The following PTPRE variants were observed in gnomAD, a reference collection of about 807,000 sequenced individuals.
The protein encoded by PTPRE is receptor-type tyrosine-protein phosphatase epsilon.
Under a neutral mutation model 102.0 loss-of-function variants are expected in PTPRE, and 51 were observed. The observed-to-expected ratio is 0.50, with a 90% CI of 0.40 to 0.63. The LOEUF is 0.63. Ranked by LOEUF, PTPRE falls within the 30% of genes least tolerant of loss-of-function variation. The pLI is 0.00. For synonymous variants in PTPRE, 345 were observed against 348.2 expected (o/e 0.99, Z 0.10); for missense variants, 752 against 915.1 (o/e 0.82, Z 2.30).
At chr10:127,941,005 C>T (rs185587632) in intron 1 of PTPRE, among the ~76,000 whole-genome samples, 42 of 152,300 alleles carry the variant, frequency 2.8e-4, no homozygotes, top group African/African-American at 9.4e-4. Context: ...CAGAGCAGAA[C>T]GGCAAGCAGG....
chr10:127,975,389 T>C (rs1463897964), intron 1 of PTPRE, among the ~76,000 whole-genome samples: 1 of 152,216 alleles, frequency 6.6e-6, no homozygotes, highest in African/African-American at 2.4e-5. Flanking sequence ...TAATAATTAT[T>C]ATTATTTCAT....
chr10:128,033,673 G>C (rs11016027), intron 2 of PTPRE, among the ~76,000 whole-genome samples: 86,293 of 151,814 alleles, frequency 0.57, 24,609 homozygotes, highest in East Asian at 0.62. Context: ...AAGATGGAGT[G>C]TCGCTCTGTC....
chr10:128,055,742 C>A (rs142047910), intron 6 of PTPRE, among the ~76,000 whole-genome samples: 6 of 152,210 alleles, frequency 3.9e-5, no homozygotes. Context: ...CCCCATCTCC[C>A]GGTTCACAGT....
Position 127,907,287 on chromosome 10 carries a change from G to A in PTPRE, c.-53G>A. 1.0e-6 allele frequency: 1 copy of A among 984,744 alleles called. No homozygotes were observed. Among genetic ancestry groups the A allele is most frequent in the Non-Finnish European group, 1.2e-6 (1 of 829,738 alleles). 61.0% of individuals were successfully genotyped at this position (984,744 alleles called of 1,614,324 possible). Reference sequence around the variant, plus strand: ...GAGCCTCCGCTGCAGCGCGATCTGCGCGACCAGACCGGCCCCCCCGAGGTG... The same window carrying A: ...GAGCCTCCGCTGCAGCGCGATCTGCACGACCAGACCGGCCCCCCCGAGGTG... On this transcript the variant is annotated 5_prime_UTR_variant, in exon 1 of 21. Coordinates refer to ENST00000254667, the MANE Select transcript of PTPRE (RefSeq NM_006504.6). This position sits in a 1 kb window ranked among gnomAD's most constrained non-coding sequence, Gnocchi z 4.8.
rs575294130 is a variant in PTPRE at position 128,042,268 on chromosome 10, G to A, written c.109+1278G>A. Among the ~76,000 whole-genome samples, 13 of 152,296 alleles carry A rather than the reference G, an allele frequency of 8.5e-5. No individual in the cohort carries two copies. The South Asian group carries it at 1.2e-3, about 15-fold the overall frequency. On this transcript the variant is annotated intron_variant, in intron 3 of 20. Coordinates refer to ENST00000254667, the MANE Select transcript of PTPRE (RefSeq NM_006504.6). ...CCACAATGGCAGAACATCCGTTTGC[G>A]CAACAGTGGGGAAGAATCTGCCCGA...
chr10:128,064,751 C>T (rs1007802692), intron 10 of PTPRE, among the ~76,000 whole-genome samples: 7 of 152,240 alleles, frequency 4.6e-5, no homozygotes, highest in African/African-American at 1.7e-4. Flanking sequence ...GCCGCGTCCT[C>T]ATTCTCACCA....
At chr10:128,033,686 C>T (rs1237999961) in intron 2 of PTPRE, among the ~76,000 whole-genome samples, 2 of 152,146 alleles carry the variant, frequency 1.3e-5, no homozygotes, top group East Asian at 3.9e-4. Context: ...GCTCTGTCAC[C>T]CAGGCTAGAG....
intron 1 of PTPRE, among the ~76,000 whole-genome samples, chr10:127,939,913 TAGGCAGGTGG>T (rs1250859797): frequency 7.1e-6 from 1 of 141,648 alleles, no homozygotes; most frequent in African/African-American, 2.7e-5. Flanking sequence ...CAGGCAGATG[TAGGCAGGTGG>T]AGGCAGGAGG....
chr10:127,979,070 C>T (rs997289073), intron 1 of PTPRE, among the ~76,000 whole-genome samples: 3 of 152,108 alleles, frequency 2.0e-5, no homozygotes, highest in African/African-American at 7.2e-5. Context: ...GTGGGTCTTG[C>T]CTTACCTACT....
At chr10:127,986,541 G>A (rs1269118270) in intron 2 of PTPRE, among the ~76,000 whole-genome samples, 1 of 152,200 alleles carries the variant, frequency 6.6e-6, no homozygotes, top group Non-Finnish European at 1.5e-5. Context: ...TGAATATTCA[G>A]CAACTGTGAG....
At chr10:128,018,834 C>T (rs375478827) in intron 2 of PTPRE, among the ~76,000 whole-genome samples, 4 of 152,108 alleles carry the variant, frequency 2.6e-5, no homozygotes, top group African/African-American at 9.7e-5. Context: ...CTCCAGTCCC[C>T]ATCTCTCACA....
intron 1 of PTPRE, among the ~76,000 whole-genome samples, chr10:127,969,684 G>C (rs143262898): frequency 0.17 from 25,415 of 146,020 alleles, 2,519 homozygotes; most frequent in East Asian, 0.36. Context: ...AAAAAAAAAG[G>C]GGGGCGGGGG....
At chr10:127,956,228 T>C (rs889164655) in intron 1 of PTPRE, among the ~76,000 whole-genome samples, 2 of 152,116 alleles carry the variant, frequency 1.3e-5, no homozygotes, top group African/African-American at 4.8e-5. Context: ...TTAAAGAATA[T>C]CTAAAAACCT....
At chr10:127,973,650 G>A (rs192468246) in intron 1 of PTPRE, among the ~76,000 whole-genome samples, 21 of 147,398 alleles carry the variant, frequency 1.4e-4, no homozygotes, top group Admixed American at 1.2e-3. Context: ...CCATATTCCT[G>A]AAAAAAAAAA....
chr10:128,045,297 G>A (rs1848000306), intron 3 of PTPRE, among the ~76,000 whole-genome samples: 1 of 152,244 alleles, frequency 6.6e-6, no homozygotes, highest in Admixed American at 6.5e-5. Flanking sequence ...TTCACTACAG[G>A]CAGGAACGTG....
At chr10:128,017,536 C>T (rs1254572154) in intron 2 of PTPRE, among the ~76,000 whole-genome samples, 1 of 152,038 alleles carries the variant, frequency 6.6e-6, no homozygotes, top group Non-Finnish European at 1.5e-5. Flanking sequence ...CCCACACAGG[C>T]ACAGCCTTCC....
intron 20 of PTPRE, 121 bp from the exon 21 acceptor site, chr10:128,082,710 AG>A: frequency 2.6e-6 from 3 of 1,139,594 alleles, no homozygotes; most frequent in Non-Finnish European, 3.6e-6. Context: ...ATGTGCATAA[AG>A]GTATATGGTA....
Position 128,077,686 on chromosome 10 carries a change from G to A in PTPRE, c.1795G>A (p.Gly599Arg), listed in dbSNP as rs772642733. The A allele has an allele frequency of 9.9e-6, 16 of 1,613,788 alleles. No individual in the cohort carries two copies. Among genetic ancestry groups the A allele is most frequent in the African/African-American group, 4.0e-5 (3 of 74,934 alleles). ...TCACTTCCACGGCTGGCCTGAGATC[G>A]GGATTCCCGCCGAGGGCAAAGGCAT... ...QFHFHGWPEI[G>R]IPAEGKGMID... Residue 599 changes from glycine to arginine, a missense_variant, in exon 19 of 21, where the codon GGG becomes AGG. By Grantham distance (125) the Gly-to-Arg change is moderately radical. Transcript: ENST00000254667.
intron 1 of PTPRE, among the ~76,000 whole-genome samples, chr10:127,928,107 C>T (rs897615207): frequency 3.3e-5 from 5 of 152,074 alleles, no homozygotes; most frequent in African/African-American, 9.7e-5. Context: ...TAGTGGTGAC[C>T]GTCAGATTTA....
Sources: allele counts gnomAD v4.1 joint callset (sites outside exome capture counted in the v4.1 genomes callset), GRCh38; gene constraint gnomAD v4.1.1; non-coding constraint Gnocchi (gnomAD v3.1); transcripts MANE v1.5; gene names NCBI Gene and HGNC (gene_info 2026-07-23, HGNC 2026-07-21).